Variants in COTL1 observed in about 807,000 individuals in gnomAD.
COTL1 encodes coactosin like F-actin binding protein 1, also known as coactosin-like protein.
COTL1 carries 15 observed loss-of-function variants against 16.5 expected under a neutral mutation model. That is an observed-to-expected ratio of 0.91 (90% confidence interval 0.61 to 1.40). The LOEUF is 1.40. COTL1 is among the 40% of genes most tolerant of loss of function. The pLI, the probability that COTL1 is intolerant of heterozygous loss-of-function variation, is 0.00. For missense variants in COTL1, 220 were observed against 201.5 expected (o/e 1.09, Z -0.56); for synonymous variants, 112 against 85.3 (o/e 1.31, Z -1.73).
intron 3 of COTL1, chr16:84,568,085 C>A (rs1229664712): frequency 6.6e-6 from 1 of 152,202 alleles, no homozygotes; most frequent in African/African-American, 2.4e-5. Context: ...GCAACCTCTG[C>A]CCCCAGGGTT....
At chr16:84,602,727 C>T (rs998218540) in intron 2 of COTL1, among the ~76,000 whole-genome samples, 5 of 152,028 alleles carry the variant, frequency 3.3e-5, no homozygotes, top group South Asian at 2.1e-4. Context: ...TGGTGGTGCA[C>T]ACCTGTAATC....
intron 2 of COTL1, chr16:84,596,867 G>C (rs1905016570): frequency 6.6e-6 from 1 of 152,618 alleles, no homozygotes; most frequent in Non-Finnish European, 1.5e-5. Context: ...AAGGTGGACA[G>C]AGTCTGCCCT....
intron 2 of COTL1, among the ~76,000 whole-genome samples, chr16:84,606,696 C>G (rs1050223376): frequency 1.3e-5 from 2 of 152,214 alleles, no homozygotes; most frequent in Non-Finnish European, 2.9e-5. Context: ...GAGGCACAGC[C>G]TGGAGTGCAG....
At chr16:84,585,688 T>A (rs1021891561) in intron 3 of COTL1, among the ~76,000 whole-genome samples, 1 of 152,108 alleles carries the variant, frequency 6.6e-6, no homozygotes, top group African/African-American at 2.4e-5. Flanking sequence ...GGCATGCCAG[T>A]CTCTGCATGG....
Position 84,590,347 on chromosome 16 carries a change from G to C in COTL1, c.161-85C>G, listed in dbSNP as rs927501915. 1 of 1,516,902 alleles carries C rather than the reference G, an allele frequency of 6.6e-7. No homozygotes were observed. Among genetic ancestry groups the C allele is most frequent in the Non-Finnish European group, 9.0e-7 (1 of 1,113,268 alleles). The allele number at this position is 1,516,902 out of a possible 1,614,324, so 94.0% of individuals were successfully genotyped here. A position where few individuals can be genotyped will look rare whatever the true frequency, so the allele number is the denominator to read the frequency against. On this transcript the variant is annotated intron_variant, in intron 2 of 3. Transcript: ENST00000262428. The surrounding 1 kb of genome is among the most constrained non-coding windows in gnomAD (Gnocchi z 5.5). ...CCTGGGGAGAGGCTGTGAGCCACGA[G>C]TGCGCCTGGAGCAGCACAGCAGGAG... is the stretch of plus-strand genomic sequence containing the variant.
At chr16:84,617,421 G>T (rs1026674471) in intron 2 of COTL1, 80 bp downstream of exon 2, 2 of 1,367,700 alleles carry the variant, frequency 1.5e-6, no homozygotes, top group African/African-American at 1.4e-5. Flanking sequence ...GTTCCTCCCG[G>T]GTTCGCTCTG....
chr16:84,576,616 C>A (rs1212129105), intron 3 of COTL1: 3 of 152,198 alleles, frequency 2.0e-5, no homozygotes, highest in Non-Finnish European at 4.4e-5. Context: ...GCCCTGGTTT[C>A]CACCTCTGTG....
chr16:84,617,974 C>T lies in COTL1; in HGVS notation c.-60G>A, dbSNP rs1309525428. On this transcript the variant is annotated 5_prime_UTR_variant, in exon 1 of 4. Coordinates refer to ENST00000262428, the MANE Select transcript of COTL1 (RefSeq NM_021149.5). The stretch of plus-strand genomic sequence containing the variant: ...GGCCGAGCGCGCCCCTGGCCGGCGG[C>T]GGGGATGGGAGCGCGGCGGGTACGC... The T allele has an allele frequency of 3.8e-6, 5 of 1,301,358 alleles. No individual in the cohort carries two copies. The East Asian group carries it at 9.6e-5, about 25-fold the overall frequency. The allele number at this position is 1,301,358 out of a possible 1,614,324, so 80.6% of individuals were successfully genotyped here. A position where few individuals can be genotyped will look rare whatever the true frequency, so the allele number is the denominator to read the frequency against.
chr16:84,602,681 C>G (rs966317656), intron 2 of COTL1, among the ~76,000 whole-genome samples: 3 of 152,072 alleles, frequency 2.0e-5, no homozygotes, highest in African/African-American at 7.2e-5. Context: ...CCGGCAAAAC[C>G]CTGTCTCTAC....
At chr16:84,568,057 G>A (rs1222522481) in intron 3 of COTL1, 1 of 152,160 alleles carries the variant, frequency 6.6e-6, no homozygotes, top group Non-Finnish European at 1.5e-5. Flanking sequence ...GAGTGCAGTG[G>A]CGCAATCTTG....
chr16:84,599,614 C>G (rs1905072487), intron 2 of COTL1, among the ~76,000 whole-genome samples: 1 of 152,156 alleles, frequency 6.6e-6, no homozygotes, highest in African/African-American at 2.4e-5. Flanking sequence ...AGAATTTCCA[C>G]CCAACACTGA....
chr16:84,578,685 A>C (rs761395240), intron 3 of COTL1, among the ~76,000 whole-genome samples: 45 of 152,026 alleles, frequency 3.0e-4, no homozygotes, highest in Middle Eastern at 3.4e-3. Flanking sequence ...GCACACACAC[A>C]CACAGGAATG....
At chr16:84,578,816 C>T (rs986742255) in intron 3 of COTL1, among the ~76,000 whole-genome samples, 31 of 151,888 alleles carry the variant, frequency 2.0e-4, no homozygotes, top group African/African-American at 7.5e-4. Context: ...TCCACACAAA[C>T]GTATACACAC....
intron 2 of COTL1, among the ~76,000 whole-genome samples, chr16:84,591,358 T>C (rs1228683249): frequency 1.3e-5 from 2 of 151,768 alleles, no homozygotes; most frequent in Admixed American, 6.6e-5. Context: ...TAATTTTTTG[T>C]ATTTTTAGTA....
chr16:84,577,348 G>A (rs1185088154), intron 3 of COTL1, among the ~76,000 whole-genome samples: 1 of 152,140 alleles, frequency 6.6e-6, no homozygotes, highest in South Asian at 2.1e-4. Flanking sequence ...AAGTTCAAGC[G>A]ATTGTCCTGC....
chr16:84,608,829 TG>T (rs1216514479), intron 2 of COTL1, among the ~76,000 whole-genome samples: 12 of 152,162 alleles, frequency 7.9e-5, no homozygotes, highest in Admixed American at 7.9e-4. Context: ...TCGCCTGAGC[TG>T]GGAGGCAGAG....
intron 3 of COTL1, among the ~76,000 whole-genome samples, chr16:84,582,904 T>G (rs1904631878): frequency 6.6e-6 from 1 of 152,222 alleles, no homozygotes; most frequent in Admixed American, 6.5e-5. Flanking sequence ...ACTTTCTCCA[T>G]TTCACACAGC....
At chr16:84,579,355 G>A (rs12103148) in intron 3 of COTL1, among the ~76,000 whole-genome samples, 34,323 of 152,162 alleles carry the variant, frequency 0.23, 4,038 homozygotes, top group Non-Finnish European at 0.27. Context: ...GGGTGTGTTG[G>A]CATACACCTG....
chr16:84,597,889 C>T (rs1196263105), intron 2 of COTL1, among the ~76,000 whole-genome samples: 1 of 152,160 alleles, frequency 6.6e-6, no homozygotes, highest in Non-Finnish European at 1.5e-5. Flanking sequence ...GAGGGAACAG[C>T]CATCATTAGC....
Sources: allele counts gnomAD v4.1 joint callset (sites outside exome capture counted in the v4.1 genomes callset), GRCh38; gene constraint gnomAD v4.1.1; non-coding constraint Gnocchi (gnomAD v3.1); transcripts MANE v1.5; gene names NCBI Gene and HGNC (gene_info 2026-07-23, HGNC 2026-07-21).